TRIM33: variants seen among roughly 807,000 people sequenced by gnomAD.
TRIM33 encodes the protein E3 ubiquitin-protein ligase TRIM33.
TRIM33 carries 20 observed loss-of-function variants against 125.4 expected under a neutral mutation model. The observed-to-expected ratio is 0.16, with a 90% CI of 0.11 to 0.23. The LOEUF is 0.23. Ranked by LOEUF, TRIM33 falls within the 10% of genes least tolerant of loss-of-function variation. The pLI, the probability that TRIM33 is intolerant of heterozygous loss-of-function variation, is 1.00. For synonymous variants in TRIM33, 564 were observed against 513.9 expected (o/e 1.10, Z -1.32); for missense variants, 920 against 1,411.4 (o/e 0.65, Z 5.58).
chr1:114,455,165 C>T (rs2101332808), intron 4 of TRIM33, among the ~76,000 whole-genome samples: 1 of 152,206 alleles, frequency 6.6e-6, no homozygotes, highest in African/African-American at 2.4e-5. Context: ...GCAGGTTATT[C>T]CCAAGGGGAC....
chr1:114,424,808 TC>T, intron 9 of TRIM33, 53 bp from the exon 10 acceptor site: 1 of 1,182,186 alleles, frequency 8.5e-7, no homozygotes, highest in Non-Finnish European at 1.1e-6. Context: ...TAAATTTATC[TC>T]AATTATAAAA....
Position 114,511,172 on chromosome 1 carries a change from G to C in TRIM33, c.-96C>G. ...AGCCCCAGCCGCAGCCGCAGCAAGA[G>C]CGGCAGCCGAGAGCTAGCGAGAGAG... On this transcript the variant is annotated 5_prime_UTR_variant, in exon 1 of 20. Coordinates refer to ENST00000358465, the MANE Select transcript of TRIM33 (RefSeq NM_015906.4). 9.7e-7 allele frequency: 1 copy of C among 1,032,976 alleles called. No homozygotes were observed. Among genetic ancestry groups the C allele is most frequent in the Non-Finnish European group, 1.2e-6 (1 of 858,496 alleles). The allele number at this position is 1,032,976 out of a possible 1,614,324, so 64.0% of individuals were successfully genotyped here. A position where few individuals can be genotyped will look rare whatever the true frequency, so the allele number is the denominator to read the frequency against.
At chr1:114,431,262 C>T (rs561142895) in intron 5 of TRIM33, among the ~76,000 whole-genome samples, 9 of 152,216 alleles carry the variant, frequency 5.9e-5, no homozygotes, top group African/African-American at 1.2e-4. Flanking sequence ...TTAACCTTGA[C>T]GTTTTCCAAG....
chr1:114,434,168 T>C (rs1352370722), intron 4 of TRIM33, among the ~76,000 whole-genome samples: 1 of 152,156 alleles, frequency 6.6e-6, no homozygotes, highest in Non-Finnish European at 1.5e-5. Context: ...TAATTATACA[T>C]GTACTTATTT....
intron 1 of TRIM33, among the ~76,000 whole-genome samples, chr1:114,501,785 A>G (rs926936512): frequency 3.8e-4 from 56 of 147,612 alleles, no homozygotes; most frequent in African/African-American, 1.4e-3. Flanking sequence ...CATAAAACAC[A>G]TGGACAAATA....
intron 1 of TRIM33, among the ~76,000 whole-genome samples, chr1:114,484,918 G>A (rs937807214): frequency 6.6e-6 from 1 of 151,752 alleles, no homozygotes; most frequent in Non-Finnish European, 1.5e-5. Flanking sequence ...CAGGCGTGGT[G>A]GCACATGCCT....
chr1:114,482,276 G>GA lies in TRIM33; in HGVS notation c.527-17889dup, dbSNP rs141719390. ...AGCTTCAAAGACATATATTAGAAAGGAAAAAAACATCTAAAAGCAATCATC... is the reference window on the plus strand; with the variant it reads ...AGCTTCAAAGACATATATTAGAAAGGAAAAAAAACATCTAAAAGCAATCATC... On this transcript the variant is annotated intron_variant, in intron 1 of 19. Coordinates refer to ENST00000358465, the MANE Select transcript of TRIM33 (RefSeq NM_015906.4). Among the ~76,000 whole-genome samples the GA allele has an allele frequency of 9.6e-3, 1,461 of 151,842 alleles. 24 individuals are homozygous for GA. The highest frequency in any genetic ancestry group is 0.033 in the African/African-American group (1,376 of 41,422).
Position 114,399,475 on chromosome 1 carries a change from G to A in TRIM33, c.3102C>T (p.Asn1034=). 6.2e-7 allele frequency: 1 copy of A among 1,613,680 alleles called. No individual in the cohort carries two copies. The highest frequency in any genetic ancestry group is 2.2e-5 in the East Asian group (1 of 44,836). Residue 1034 remains asparagine (N), a synonymous_variant, in exon 18 of 20, where the codon AAC becomes AAT. Transcript: ENST00000358465. ...FVADVRLIFK[N]CERFNEMMKV... is the part of the protein sequence containing the mutation. The stretch of plus-strand genomic sequence containing the variant: ...AACATACTTCATTAAACCTTTCACA[G>A]TTCTTGAAGATCAAACGGACATCGG...
intron 18 of TRIM33, 121 bp from the exon 19 acceptor site, chr1:114,398,111 C>G (rs532977245): frequency 1.0e-6 from 1 of 962,612 alleles, no homozygotes; most frequent in Non-Finnish European, 1.5e-6. Flanking sequence ...ATTGCTATAA[C>G]CAGATAAAGT....
chr1:114,398,204 G>A (rs1321690639), intron 18 of TRIM33, among the ~76,000 whole-genome samples: 1 of 152,142 alleles, frequency 6.6e-6, no homozygotes, highest in Non-Finnish European at 1.5e-5. Context: ...CTCAGTAATT[G>A]TCTTATTTTG....
intron 1 of TRIM33, among the ~76,000 whole-genome samples, chr1:114,489,483 C>T (rs913372540): frequency 3.9e-5 from 6 of 152,206 alleles, no homozygotes; most frequent in Admixed American, 1.3e-4. Flanking sequence ...GTGGCTCACA[C>T]CTCTAATCCA....
chr1:114,470,411 G>C (rs1438543024), intron 1 of TRIM33, among the ~76,000 whole-genome samples: 1 of 152,048 alleles, frequency 6.6e-6, no homozygotes, highest in Non-Finnish European at 1.5e-5. Flanking sequence ...TGTTACTACT[G>C]TAATTGTTTT....
intron 1 of TRIM33, among the ~76,000 whole-genome samples, chr1:114,502,063 T>C (rs1570681520): frequency 1.3e-5 from 2 of 152,214 alleles, no homozygotes; most frequent in African/African-American, 4.8e-5. Context: ...TTAGATAGAC[T>C]GTCATAAACA....
chr1:114,427,075 T>G, intron 8 of TRIM33, 102 bp downstream of exon 8: 1 of 563,940 alleles, frequency 1.8e-6, no homozygotes, highest in Middle Eastern at 3.0e-4. Flanking sequence ...ATGTAAAACA[T>G]TAGTTTTATA....
intron 4 of TRIM33, among the ~76,000 whole-genome samples, chr1:114,446,017 C>G (rs1449424884): frequency 6.6e-6 from 1 of 152,076 alleles, no homozygotes; most frequent in Non-Finnish European, 1.5e-5. Flanking sequence ...GTTCCCACGC[C>G]CAGCTAATTT....
chr1:114,399,641 T>A, intron 17 of TRIM33, 32 bp from the exon 18 acceptor site: 1 of 1,526,838 alleles, frequency 6.5e-7, no homozygotes. Context: ...AAATAAGAAT[T>A]CTCCAAAAAT....
intron 1 of TRIM33, among the ~76,000 whole-genome samples, chr1:114,499,294 G>T (rs1652569310): frequency 6.6e-6 from 1 of 151,984 alleles, no homozygotes; most frequent in African/African-American, 2.4e-5. Context: ...GGGAGCCTAG[G>T]GCCTGTGTAA....
At chr1:114,454,577 T>G (rs1317372772) in intron 4 of TRIM33, among the ~76,000 whole-genome samples, 2 of 151,652 alleles carry the variant, frequency 1.3e-5, no homozygotes, top group Non-Finnish European at 1.5e-5. Flanking sequence ...TCCCAACTAC[T>G]CAGGTGTCTG....
chr1:114,456,844 G>A (rs1649658117), intron 4 of TRIM33, among the ~76,000 whole-genome samples: 1 of 152,148 alleles, frequency 6.6e-6, no homozygotes, highest in African/African-American at 2.4e-5. Context: ...AAAGTTTGGG[G>A]AATTAGGGGA....
Sources: gnomAD v4.1 joint callset for allele counts (sites outside exome capture counted in the v4.1 genomes callset) on GRCh38, gnomAD v4.1.1 for gene constraint, MANE v1.5 for transcripts, NCBI Gene and HGNC (gene_info 2026-07-23, HGNC 2026-07-21) for gene names.